BTNL3: variants seen among roughly 807,000 people sequenced by gnomAD.
The protein encoded by BTNL3 is butyrophilin-like protein 3.
A neutral mutation model predicts 40.1 loss-of-function variants in BTNL3; 20 were observed. The ratio of observed to expected loss-of-function variants is 0.50; its 90% CI spans 0.35 to 0.72. The LOEUF is 0.72. Among genes scored for constraint, BTNL3 ranks in the 30% least tolerant of loss-of-function variants. The pLI, the probability that BTNL3 is intolerant of heterozygous loss-of-function variation, is 0.01. For missense variants in BTNL3, 449 were observed against 582.2 expected, an observed-to-expected ratio of 0.77 and a Z score of 2.35; for synonymous variants, 179 against 222.1, an observed-to-expected ratio of 0.81 and a Z score of 1.73.
In BTNL3 at chr5:180,997,402, T is replaced by C. The variant is rs1269755105; in HGVS notation, c.587T>C (p.Ile196Thr). 1.2e-5 allele frequency: 18 copies of C among 1,462,714 alleles called. 4 individuals are homozygous for C. Among genetic ancestry groups the C allele is most frequent in the South Asian group, 2.2e-5 (2 of 89,268 alleles). 90.6% of individuals were successfully genotyped at this position (1,462,714 alleles called of 1,614,324 possible). A position where few individuals can be genotyped will look rare whatever the true frequency, so the allele number is the denominator to read the frequency against. The stretch of plus-strand genomic sequence containing the variant: ...CTGTATGATGTGGAGATCTCCATTA[T>C]AGTCCAGGAAAATGCTGGGAGCATA... Reference protein sequence around the residue: ...YSLYDVEISIIVQENAGSILC... With the variant: ...YSLYDVEISITVQENAGSILC... Residue 196 changes from isoleucine to threonine, a missense_variant, in exon 3 of 8, where the codon ATA becomes ACA. This residue lies in a region of BTNL3 where 323 missense variants were observed against 464.9 expected (regional missense o/e 0.69). Transcript: ENST00000342868.
In BTNL3 at chr5:180,988,881, T is replaced by C. The variant is rs1759935153; in HGVS notation, c.-148T>C. 3 of 949,172 alleles carry C rather than the reference T, an allele frequency of 3.2e-6. No individual in the cohort carries two copies. Among genetic ancestry groups the C allele is most frequent in the African/African-American group, 1.6e-5 (1 of 61,398 alleles). The allele number at this position is 949,172 out of a possible 1,614,324, so 58.8% of individuals were successfully genotyped here. A position where few individuals can be genotyped will look rare whatever the true frequency, so the allele number is the denominator to read the frequency against. On this transcript the variant is annotated 5_prime_UTR_variant, in exon 1 of 8. Transcript: ENST00000342868. ...TTCATACAGCCATGTTTAGGGAGGCTCTAGGGAGAAATGCACAGTTTGACA... is the reference window on the plus strand; with the variant it reads ...TTCATACAGCCATGTTTAGGGAGGCCCTAGGGAGAAATGCACAGTTTGACA...
chr5:180,999,007 A>T (rs1760071318), intron 3 of BTNL3, among the ~76,000 whole-genome samples: 1 of 135,902 alleles, frequency 7.4e-6, no homozygotes, highest in Non-Finnish European at 1.7e-5. Context: ...GGTGCCTGTA[A>T]TCCCAGCTAC....
rs1364323613 is a variant in BTNL3, at chr5:181,004,586, G to A, written c.835+143G>A. The A allele has an allele frequency of 5.1e-6, 8 of 1,572,076 alleles. No individual in the cohort carries two copies. In the Admixed American group the frequency reaches 7.1e-5, roughly 14 times the overall value. On this transcript the variant is annotated intron_variant, in intron 6 of 7. Coordinates refer to ENST00000342868, the MANE Select transcript of BTNL3 (RefSeq NM_197975.3). ...TGAAATTGCAGATTCTGGGGGAGGT[G>A]CATTTTGTAGAGAAGCCCCATAGCC...
Position 180,993,073 on chromosome 5 carries a change from A to T in BTNL3, c.310A>T (p.Ile104Phe). ...GCGTGTCTCTCTAAGGCTAAAAAAC[A>T]TCACTCCCTCGGACATCGGCCTGTA... ...GGRVSLRLKN[I>F]TPSDIGLYGC... The change falls in exon 2 of 8, where the codon ATC (isoleucine) becomes TTC (phenylalanine). Residue 104 changes from isoleucine to phenylalanine, a missense_variant. Ile to Phe is a conservative substitution (Grantham distance 21). Coordinates refer to ENST00000342868, the MANE Select transcript of BTNL3 (RefSeq NM_197975.3). The T allele has an allele frequency of 6.9e-7, 1 of 1,454,698 alleles. No homozygotes were observed. The allele number at this position is 1,454,698 out of a possible 1,614,324, so 90.1% of individuals were successfully genotyped here.
At position 180,997,423 on chromosome 5, in the gene BTNL3, G is replaced by C. The variant is rs73815152; in HGVS notation, c.608G>C (p.Ser203Thr). The change falls in exon 3 of 8, where the codon AGC (serine) becomes ACC (threonine). Residue 203 changes from serine to threonine, a missense_variant. Ser to Thr is a moderately conservative substitution (Grantham distance 58). Coordinates refer to ENST00000342868, the MANE Select transcript of BTNL3 (RefSeq NM_197975.3). The stretch of plus-strand genomic sequence containing the variant: ...ATTATAGTCCAGGAAAATGCTGGGA[G>C]CATATTGTGTTCCATCCACCTTGCT... Reference protein sequence around the residue: ...ISIIVQENAGSILCSIHLAEQ... With the variant: ...ISIIVQENAGTILCSIHLAEQ... 5,161 of 1,463,200 alleles carry C rather than the reference G, an allele frequency of 3.5e-3. 738 individuals carry two copies. The African/African-American group carries it at 0.061, about 17-fold the overall frequency. The allele number at this position is 1,463,200 out of a possible 1,614,324, so 90.6% of individuals were successfully genotyped here.
Position 180,992,901 on chromosome 5 carries a change from C to T in BTNL3, c.138C>T (p.Thr46=), listed in dbSNP as rs1287901594. 1.4e-6 allele frequency: 2 copies of T among 1,463,274 alleles called. No homozygotes were observed. Among genetic ancestry groups the T allele is most frequent in the African/African-American group, 2.8e-5 (2 of 72,548 alleles). 90.6% of individuals were successfully genotyped at this position (1,463,274 alleles called of 1,614,324 possible). A position where few individuals can be genotyped will look rare whatever the true frequency, so the allele number is the denominator to read the frequency against. ...TCTCCTGCTCCCTCTTTCCTGAGAC[C>T]AGTGCAGAGGCTATGGAAGTGCGGT... is the stretch of plus-strand genomic sequence containing the variant. ...AVFSCSLFPE[T]SAEAMEVRFF... is the part of the protein sequence containing the mutation. Residue 46 remains threonine, a synonymous_variant, in exon 2 of 8, where the codon ACC becomes ACT. Transcript: ENST00000342868.
In BTNL3 at chr5:181,003,844, T is replaced by C; in HGVS notation, c.788-12T>C. ...CCTGTGTCCACCACTGAATATACTG[T>C]TTCTGTTTCAGGGAAAATCCAGGCG... is the stretch of plus-strand genomic sequence containing the variant. On this transcript the variant is annotated splice_polypyrimidine_tract_variant and intron_variant, in intron 4 of 7. Transcript: ENST00000342868. 6.2e-7 allele frequency: 1 copy of C among 1,614,116 alleles called. No individual in the cohort carries two copies. Among genetic ancestry groups the C allele is most frequent in the Non-Finnish European group, 8.5e-7 (1 of 1,180,026 alleles).
At position 180,991,864 on chromosome 5, in the gene BTNL3, CT is replaced by C; in HGVS notation, c.50-945del. 1.5e-5 allele frequency among the ~76,000 whole-genome samples: 2 copies of C among 137,012 alleles called. 1 individual carries two copies. The highest frequency in any genetic ancestry group is 3.3e-5 in the Non-Finnish European group (2 of 59,862). 89.9% of individuals were successfully genotyped at this position (137,012 alleles called of 152,430 possible). ...AAGCACTAGAGTGGGGGTGTCCAAT[CT>C]TTTGCCTTCCCTGGGCCATATTGAA... On this transcript the variant is annotated intron_variant, in intron 1 of 7. Transcript: ENST00000342868.
Position 180,989,844 on chromosome 5 carries a change from A to C in BTNL3, c.49+767A>C, listed in dbSNP as rs1448023479. On this transcript the variant is annotated intron_variant, in intron 1 of 7. Transcript: ENST00000342868. ...CTGTTTTGCTAAACAAAGCCAACAA[A>C]ACAGAAATAAGGGGATCAAAATCCA... Among the ~76,000 whole-genome samples the C allele has an allele frequency of 1.5e-5, 2 of 136,478 alleles. 1 individual carries two copies. The highest frequency in any genetic ancestry group is 5.0e-5 in the African/African-American group (2 of 39,690). 89.5% of individuals were successfully genotyped at this position (136,478 alleles called of 152,430 possible). A position where few individuals can be genotyped will look rare whatever the true frequency, so the allele number is the denominator to read the frequency against.
intron 3 of BTNL3, among the ~76,000 whole-genome samples, chr5:180,999,660 C>T (rs1254530890): frequency 1.5e-5 from 2 of 135,386 alleles, no homozygotes; most frequent in East Asian, 4.4e-4. Flanking sequence ...ATTAGCTGGG[C>T]GTGGTGGTGT....
At chr5:181,002,471 A>AATATAT (rs56895500) in intron 3 of BTNL3, among the ~76,000 whole-genome samples, 997 of 73,754 alleles carry the variant, frequency 0.014, 50 homozygotes, top group East Asian at 0.035. Flanking sequence ...CACACACGTG[A>AATATAT]ATATATATAT....
At chr5:180,989,963 T>A (rs930347775) in intron 1 of BTNL3, among the ~76,000 whole-genome samples, 1 of 136,110 alleles carries the variant, frequency 7.3e-6, no homozygotes, top group Non-Finnish European at 1.7e-5. Flanking sequence ...AGTTTGAGAC[T>A]AGCCTGGCCA....
At chr5:181,005,046 G>A (rs947491429) in intron 7 of BTNL3, among the ~76,000 whole-genome samples, 5 of 152,124 alleles carry the variant, frequency 3.3e-5, no homozygotes, top group African/African-American at 1.2e-4. Flanking sequence ...GCAGGAACTG[G>A]TGGGTGGAAG....
intron 3 of BTNL3, 86 bp from the exon 4 acceptor site, chr5:181,002,586 T>C: frequency 8.2e-7 from 1 of 1,214,126 alleles, no homozygotes; most frequent in African/African-American, 1.5e-5. Context: ...TGTTTTCATC[T>C]TGGGGTACTG....
rs1491371330 is a variant in BTNL3 at position 181,002,366 on chromosome 5, ACG to A, written c.674-305_674-304del. On this transcript the variant is annotated intron_variant, in intron 3 of 7. Transcript: ENST00000342868. ...CATAGACACACACACACACACACAC[ACG>A]TGTGTGTGTATATATATATATATAT... Among the ~76,000 whole-genome samples the A allele has an allele frequency of 1.7e-3, 56 of 32,118 alleles. 7 individuals carry two copies. The Middle Eastern group carries it at 0.048, about 28-fold the overall frequency. The allele number at this position is 32,118 out of a possible 152,430, so 21.1% of individuals were successfully genotyped here.
At chr5:181,001,628 G>A (rs1245212538) in intron 3 of BTNL3, among the ~76,000 whole-genome samples, 2 of 133,546 alleles carry the variant, frequency 1.5e-5, no homozygotes, top group African/African-American at 2.6e-5. Context: ...GGAGGATCAC[G>A]AGGTTAGGAG....
intron 3 of BTNL3, 53 bp downstream of exon 3, chr5:180,997,541 G>T: frequency 6.9e-7 from 1 of 1,455,810 alleles, no homozygotes; most frequent in South Asian, 1.1e-5. Context: ...CGTAACCCAG[G>T]GTAGAGCAGC....
intron 3 of BTNL3, among the ~76,000 whole-genome samples, chr5:181,001,749 G>A (rs1179062173): frequency 7.4e-6 from 1 of 135,094 alleles, no homozygotes; most frequent in Non-Finnish European, 1.7e-5. Flanking sequence ...GGAGGCTGAG[G>A]AAGGAGAATG....
rs1014752755 is a variant in BTNL3 at position 181,006,000 on chromosome 5, TC to T, written c.*130del. On this transcript the variant is annotated 3_prime_UTR_variant, in exon 8 of 8. Coordinates refer to ENST00000342868, the MANE Select transcript of BTNL3 (RefSeq NM_197975.3). Reference sequence around the variant, plus strand: ...GCACAGAGAGTCACGCCCCCCACTCTCCTTTAGGGAGCTGAGGTTCTTCTGC... The same window carrying T: ...GCACAGAGAGTCACGCCCCCCACTCTCTTTAGGGAGCTGAGGTTCTTCTGC... 9.3e-7 allele frequency: 1 copy of T among 1,071,072 alleles called. No individual in the cohort carries two copies. The highest frequency in any genetic ancestry group is 1.6e-5 in the African/African-American group (1 of 62,432). The allele number at this position is 1,071,072 out of a possible 1,614,324, so 66.3% of individuals were successfully genotyped here. A position where few individuals can be genotyped will look rare whatever the true frequency, so the allele number is the denominator to read the frequency against.
Sources: allele counts gnomAD v4.1 joint callset (sites outside exome capture counted in the v4.1 genomes callset), GRCh38; gene constraint gnomAD v4.1.1; regional missense constraint gnomAD v4.1.1; transcripts MANE v1.5; gene names NCBI Gene and HGNC (gene_info 2026-07-23, HGNC 2026-07-21).